Variants in EIF5 observed in about 807,000 individuals in gnomAD.
The protein encoded by EIF5 is eukaryotic translation initiation factor 5.
Under a neutral mutation model 48.3 loss-of-function variants are expected in EIF5, and 10 were observed. The ratio of observed to expected loss-of-function variants is 0.21; its 90% CI spans 0.13 to 0.35. The LOEUF (loss-of-function observed/expected upper bound fraction) is 0.35. Ranked by LOEUF, EIF5 falls within the 10% of genes least tolerant of loss-of-function variation. The probability of loss-of-function intolerance (pLI) is 1.00; values close to 1 mark genes in which losing one functional copy is unlikely to be tolerated. For missense variants in EIF5, 397 were observed against 533.2 expected (o/e 0.74, Z 2.51); for synonymous variants, 237 against 173.1 (o/e 1.37, Z -2.90).
At chr14:103,336,324 G>A in intron 4 of EIF5, 1 of 635,370 alleles carries the variant, frequency 1.6e-6, no homozygotes, top group Non-Finnish European at 2.7e-6. Context: ...GCTCACACCT[G>A]TAACCCCCAG....
At chr14:103,337,012 T>G in intron 5 of EIF5, 104 bp from the exon 6 acceptor site, 1 of 1,350,198 alleles carries the variant, frequency 7.4e-7, no homozygotes, top group South Asian at 1.5e-5. Flanking sequence ...GGTCACTGTG[T>G]GAAAAAAGTT....
In EIF5 at chr14:103,343,916, T is replaced by G. The variant is rs985283805; in HGVS notation, c.*2864T>G. 3.3e-5 allele frequency: 5 copies of G among 152,210 alleles called. No homozygotes were observed. The highest frequency in any genetic ancestry group is 1.2e-4 in the African/African-American group (5 of 41,454). The allele number at this position is 152,210 out of a possible 1,614,324, so 9.4% of individuals were successfully genotyped here. On this transcript the variant is annotated 3_prime_UTR_variant, in exon 12 of 12. Coordinates refer to ENST00000216554, the MANE Select transcript of EIF5 (RefSeq NM_001969.5). Reference sequence around the variant, plus strand: ...TTGCTACAGCTTGACCTACCAGTATTCCGGAGTAACCAGCAAATGCAAAGT... The same window carrying G: ...TTGCTACAGCTTGACCTACCAGTATGCCGGAGTAACCAGCAAATGCAAAGT...
At position 103,338,419 on chromosome 14, in the gene EIF5, A is replaced by C; in HGVS notation, c.532A>C (p.Thr178Pro). 6.2e-7 allele frequency: 1 copy of C among 1,600,538 alleles called. No homozygotes were observed. Among genetic ancestry groups the C allele is most frequent in the Non-Finnish European group, 8.5e-7 (1 of 1,172,870 alleles). ...AAATGGCTCCGTATCCAGCAGTGAG[A>C]CACCACCACCACCACCACCACCAAA... ...KENGSVSSSE[T>P]PPPPPPPNEI... The change falls in exon 7 of 12, where the codon ACA (threonine) becomes CCA (proline). Residue 178 changes from threonine (T) to proline (P), a missense_variant. Thr to Pro is a conservative substitution (Grantham distance 38). This residue lies in a region of EIF5 where 126 missense variants were observed against 141.9 expected (regional missense o/e 0.89). Coordinates refer to ENST00000216554, the MANE Select transcript of EIF5 (RefSeq NM_001969.5).
rs1016968900 is a variant in EIF5, at chr14:103,337,674, G to A, written c.439+447G>A. The A allele has an allele frequency of 2.2e-5, 8 of 356,200 alleles. 1 individual carries two copies. Among genetic ancestry groups the A allele is most frequent in the South Asian group, 1.7e-4 (8 of 46,208 alleles). 22.1% of individuals were successfully genotyped at this position (356,200 alleles called of 1,614,324 possible). On this transcript the variant is annotated intron_variant, in intron 6 of 11. Coordinates refer to ENST00000216554, the MANE Select transcript of EIF5 (RefSeq NM_001969.5). ...CTAAGACATCTTTCAAAAGTGTATT[G>A]TTAATTACCATTAAAGGTGAAAAAT...
intron 6 of EIF5, 177 bp from the exon 7 acceptor site, chr14:103,338,150 C>A (rs1032741832): frequency 9.3e-6 from 8 of 858,198 alleles, no homozygotes; most frequent in Non-Finnish European, 1.5e-5. Flanking sequence ...AACATTCTTA[C>A]GTATGAAATA....
intron 11 of EIF5, 62 bp from the exon 12 acceptor site, chr14:103,340,901 A>G: frequency 2.6e-6 from 4 of 1,539,434 alleles, no homozygotes; most frequent in Non-Finnish European, 3.6e-6. Context: ...CACAATTTAC[A>G]TTGATTTGTT....
chr14:103,334,688 TGGGCGGACGGC>T (rs893779245), intron 2 of EIF5, 91 bp downstream of exon 2: 5 of 139,286 alleles, frequency 3.6e-5, no homozygotes, highest in African/African-American at 7.6e-5. Flanking sequence ...TGGCGCAGTT[TGGGCGGACGGC>T]GGGCGGGCGC....
intron 6 of EIF5, chr14:103,337,648 T>C (rs998320017): frequency 3.0e-6 from 1 of 332,684 alleles, no homozygotes; most frequent in Admixed American, 4.4e-5. Flanking sequence ...TTTTATCAAA[T>C]CTAAGACATC....
chr14:103,339,592 T>C (rs752994678), intron 9 of EIF5, 47 bp from the exon 10 acceptor site: 5 of 1,610,984 alleles, frequency 3.1e-6, no homozygotes, highest in Non-Finnish European at 4.2e-6. Flanking sequence ...AGTTGTCAAC[T>C]TAGAACACAT....
chr14:103,335,124 C>T (rs896953339), intron 2 of EIF5: 1 of 152,316 alleles, frequency 6.6e-6, no homozygotes, highest in African/African-American at 2.4e-5. Context: ...CGTTCGCTCG[C>T]GCTCTCTTGC....
In EIF5 at chr14:103,336,029, C is replaced by T. The variant is rs771587020; in HGVS notation, c.73-7C>T. On this transcript the variant is annotated splice_region_variant and splice_polypyrimidine_tract_variant and intron_variant, in intron 3 of 11. Transcript: ENST00000216554. ...AACTGCACAACTAAAATTCTTATTT[C>T]CTTTAGGTTGAGGGCAAAGGCAATG... The T allele has an allele frequency of 8.7e-6, 14 of 1,614,040 alleles. No individual in the cohort carries two copies. The highest frequency in any genetic ancestry group is 2.2e-5 in the South Asian group (2 of 91,068).
Position 103,335,730 on chromosome 14 carries a change from A to G in EIF5, c.-131A>G. ...AGAAGCTTACAGCCTCAGTGGCGAA[A>G]ATTTTTTCATGTCAGAGACCGAGAA... On this transcript the variant is annotated 5_prime_UTR_variant, in exon 3 of 12. Transcript: ENST00000216554. 9.2e-7 allele frequency: 1 copy of G among 1,083,490 alleles called. No individual in the cohort carries two copies. The highest frequency in any genetic ancestry group is 1.4e-6 in the Non-Finnish European group (1 of 731,840). 67.1% of individuals were successfully genotyped at this position (1,083,490 alleles called of 1,614,324 possible). A position where few individuals can be genotyped will look rare whatever the true frequency, so the allele number is the denominator to read the frequency against.
chr14:103,344,016 T>C lies in EIF5; in HGVS notation c.*2964T>C, dbSNP rs1167564942. 6.6e-6 allele frequency: 1 copy of C among 152,216 alleles called. No homozygotes were observed. The highest frequency in any genetic ancestry group is 3.2e-3 in the Middle Eastern group (1 of 316). The allele number at this position is 152,216 out of a possible 1,614,324, so 9.4% of individuals were successfully genotyped here. On this transcript the variant is annotated 3_prime_UTR_variant, in exon 12 of 12. Transcript: ENST00000216554. ...TGACTACTACAAAGCCAGAGCAGTCTTAGTACCAGAAACAGTGTTGCACTT... is the reference window on the plus strand; with the variant it reads ...TGACTACTACAAAGCCAGAGCAGTCCTAGTACCAGAAACAGTGTTGCACTT...
chr14:103,340,687 T>C, intron 11 of EIF5, 126 bp downstream of exon 11: 19 of 1,256,748 alleles, frequency 1.5e-5, no homozygotes, highest in Non-Finnish European at 2.1e-5. Context: ...TAAGATGCAG[T>C]AAAATACAGC....
At chr14:103,337,682 C>G in intron 6 of EIF5, 1 of 367,828 alleles carries the variant, frequency 2.7e-6, no homozygotes, top group Non-Finnish European at 5.3e-6. Flanking sequence ...TTGTTAATTA[C>G]CATTAAAGGT....
rs147139708 is a variant in EIF5, at chr14:103,343,000, T to C, written c.*1948T>C. On this transcript the variant is annotated 3_prime_UTR_variant, in exon 12 of 12. Transcript: ENST00000216554. ...TTCTAGAACACTAAAAAATTTGGCTTAAACCAGTGTTCAGTCTGGTGCCAA... is the reference window on the plus strand; with the variant it reads ...TTCTAGAACACTAAAAAATTTGGCTCAAACCAGTGTTCAGTCTGGTGCCAA... 1.7e-3 allele frequency: 255 copies of C among 152,760 alleles called. No individual in the cohort carries two copies. Among genetic ancestry groups the C allele is most frequent in the African/African-American group, 5.8e-3 (243 of 41,574 alleles). 9.5% of individuals were successfully genotyped at this position (152,760 alleles called of 1,614,324 possible). A position where few individuals can be genotyped will look rare whatever the true frequency, so the allele number is the denominator to read the frequency against.
At chr14:103,335,971 T>A (rs1009135670) in intron 3 of EIF5, 39 bp downstream of exon 3, 7 of 1,613,972 alleles carry the variant, frequency 4.3e-6, no homozygotes, top group Non-Finnish European at 5.9e-6. Flanking sequence ...TAGCTCTTTT[T>A]GTAGAATTTT....
Position 103,342,893 on chromosome 14 carries a change from C to G in EIF5, c.*1841C>G, listed in dbSNP as rs560525608. On this transcript the variant is annotated 3_prime_UTR_variant, in exon 12 of 12. Coordinates refer to ENST00000216554, the MANE Select transcript of EIF5 (RefSeq NM_001969.5). The stretch of plus-strand genomic sequence containing the variant: ...GATACTGGTGACCTAAGCTAAGTTG[C>G]ACTCAGCATACTCAGTGTCAAGCTA... 1 of 152,740 alleles carries G rather than the reference C, an allele frequency of 6.5e-6. No individual in the cohort carries two copies. Among genetic ancestry groups the G allele is most frequent in the African/African-American group, 2.4e-5 (1 of 41,570 alleles). The allele number at this position is 152,740 out of a possible 1,614,324, so 9.5% of individuals were successfully genotyped here. A position where few individuals can be genotyped will look rare whatever the true frequency, so the allele number is the denominator to read the frequency against.
chr14:103,339,186 G>A lies in EIF5; in HGVS notation c.759G>A (p.Glu253=), dbSNP rs750553881. The A allele has an allele frequency of 6.2e-6, 10 of 1,604,376 alleles. No homozygotes were observed. The highest frequency in any genetic ancestry group is 1.4e-5 in the African/African-American group (1 of 74,038). ...LFDFVKKKKE[E]GVIDSSDKEI... ...TTTCTTTGCAGAAAAAGAAAGAAGAGGGTGTTATTGATTCATCTGACAAAG... is the reference window on the plus strand; with the variant it reads ...TTTCTTTGCAGAAAAAGAAAGAAGAAGGTGTTATTGATTCATCTGACAAAG... Residue 253 remains glutamate (E), a synonymous_variant, in exon 9 of 12, where the codon GAG becomes GAA. Coordinates refer to ENST00000216554, the MANE Select transcript of EIF5 (RefSeq NM_001969.5).
Sources: allele counts gnomAD v4.1 joint callset, GRCh38; gene constraint gnomAD v4.1.1; regional missense constraint gnomAD v4.1.1; transcripts MANE v1.5; gene names NCBI Gene and HGNC (gene_info 2026-07-23, HGNC 2026-07-21).